MAP1LC3B2: variants seen among roughly 807,000 people sequenced by gnomAD.
The protein encoded by MAP1LC3B2 is microtubule associated protein 1 light chain 3 beta 2.
For missense variants in MAP1LC3B2, 155 were observed against 154.6 expected (o/e 1.00, Z -0.01); for synonymous variants, 62 against 57.8 (o/e 1.07, Z -0.33).
chr12:116,572,525 C>T (rs1229801002), intron 1 of MAP1LC3B2, among the ~76,000 whole-genome samples: 1 of 152,068 alleles, frequency 6.6e-6, no homozygotes, highest in Non-Finnish European at 1.5e-5. Flanking sequence ...CCACTACACC[C>T]GGCTAATTTT....
chr12:116,559,980 C>T (rs1869208770), intron 1 of MAP1LC3B2: 2 of 151,504 alleles, frequency 1.3e-5, no homozygotes, highest in African/African-American at 4.9e-5. Flanking sequence ...AAAATAACCA[C>T]AGAGCTGAGC....
chr12:116,575,425 T>C (rs910943719), intron 1 of MAP1LC3B2, among the ~76,000 whole-genome samples: 2 of 152,308 alleles, frequency 1.3e-5, no homozygotes, highest in Non-Finnish European at 2.9e-5. Context: ...AAGATATACA[T>C]GACTTTCATA....
At chr12:116,567,672 C>T (rs1254983863) in intron 1 of MAP1LC3B2, among the ~76,000 whole-genome samples, 1 of 151,768 alleles carries the variant, frequency 6.6e-6, no homozygotes, top group Non-Finnish European at 1.5e-5. Context: ...TGCTTGAACC[C>T]CAGAGGTGGA....
intron 1 of MAP1LC3B2, among the ~76,000 whole-genome samples, chr12:116,571,784 G>A (rs1455988921): frequency 6.6e-6 from 1 of 151,874 alleles, no homozygotes; most frequent in Non-Finnish European, 1.5e-5. Context: ...CCCGGCCACG[G>A]ACTGCTATTC....
intron 1 of MAP1LC3B2, among the ~76,000 whole-genome samples, chr12:116,573,666 G>A (rs933400272): frequency 1.3e-5 from 2 of 151,970 alleles, no homozygotes; most frequent in African/African-American, 2.4e-5. Context: ...ACAGGTGTGC[G>A]CCACCACACC....
chr12:116,570,617 T>C (rs1278124647), intron 1 of MAP1LC3B2, among the ~76,000 whole-genome samples: 2 of 152,216 alleles, frequency 1.3e-5, no homozygotes, highest in Non-Finnish European at 2.9e-5. Context: ...GGGTTCCCCC[T>C]TTCACTTGGC....
chr12:116,560,772 G>A (rs1869250554), intron 1 of MAP1LC3B2, among the ~76,000 whole-genome samples: 1 of 151,602 alleles, frequency 6.6e-6, no homozygotes, highest in Non-Finnish European at 1.5e-5. Context: ...TAAAAGGAAG[G>A]CAGATCCAGC....
At chr12:116,563,042 A>G (rs963265965) in intron 1 of MAP1LC3B2, among the ~76,000 whole-genome samples, 2 of 151,848 alleles carry the variant, frequency 1.3e-5, no homozygotes, top group Non-Finnish European at 2.9e-5. Flanking sequence ...GCTTACCACA[A>G]CCCCTGCCTC....
chr12:116,560,236 A>ATATATGTATG lies in MAP1LC3B2; in HGVS notation c.-102+813_-102+822dup, dbSNP rs1566022611. Among the ~76,000 whole-genome samples the ATATATGTATG allele has an allele frequency of 4.7e-4, 47 of 99,012 alleles. 1 individual carries two copies. The highest frequency in any genetic ancestry group is 1.7e-3 in the African/African-American group (42 of 24,770). 65.0% of individuals were successfully genotyped at this position (99,012 alleles called of 152,430 possible). A position where few individuals can be genotyped will look rare whatever the true frequency, so the allele number is the denominator to read the frequency against. ...TATATATATATATATATATATATATATATATGTATGTATATGTATATATAT... is the reference window on the plus strand; with the variant it reads ...TATATATATATATATATATATATATATATATGTATGTATATGTATGTATATGTATATATAT... On this transcript the variant is annotated intron_variant, in intron 1 of 1. Transcript: ENST00000556529.
intron 1 of MAP1LC3B2, among the ~76,000 whole-genome samples, chr12:116,562,374 A>G (rs1016045076): frequency 3.3e-5 from 5 of 152,246 alleles, no homozygotes; most frequent in African/African-American, 9.6e-5. Context: ...AAACAAAGGC[A>G]TCCTGACTCA....
chr12:116,559,559 A>G (rs1041900185), intron 1 of MAP1LC3B2, 126 bp downstream of exon 1: 1 of 152,246 alleles, frequency 6.6e-6, no homozygotes, highest in Non-Finnish European at 1.5e-5. Flanking sequence ...TAGAAAAACC[A>G]CAAAAGTCCC....
At chr12:116,566,729 C>T (rs764866298) in intron 1 of MAP1LC3B2, among the ~76,000 whole-genome samples, 10 of 149,236 alleles carry the variant, frequency 6.7e-5, no homozygotes, top group East Asian at 3.9e-4. Flanking sequence ...GTCAGGAGTT[C>T]GAGACCAGCC....
intron 1 of MAP1LC3B2, among the ~76,000 whole-genome samples, chr12:116,564,423 T>C (rs1869340744): frequency 6.6e-6 from 1 of 152,126 alleles, no homozygotes; most frequent in African/African-American, 2.4e-5. Context: ...TTTTTTAAGC[T>C]TTATTGCAGT....
In MAP1LC3B2 at chr12:116,574,747, G is replaced by T. The variant is rs187969151; in HGVS notation, c.-101-1095G>T. ...ATTTTTGTGTTTTTAGTAGAGACAG[G>T]GTTTTGCTATGTTGGCCAGGCTGGT... On this transcript the variant is annotated intron_variant, in intron 1 of 1. Coordinates refer to ENST00000556529, the MANE Select transcript of MAP1LC3B2 (RefSeq NM_001085481.3). Among the ~76,000 whole-genome samples the T allele has an allele frequency of 3.2e-3, 482 of 151,730 alleles. 1 individual carries two copies. The highest frequency in any genetic ancestry group is 0.011 in the African/African-American group (461 of 41,362).
intron 1 of MAP1LC3B2, among the ~76,000 whole-genome samples, chr12:116,567,664 C>T (rs1006921211): frequency 3.9e-5 from 6 of 151,960 alleles, no homozygotes; most frequent in Non-Finnish European, 7.4e-5. Flanking sequence ...AGGAGAATTG[C>T]TTGAACCCCA....
At chr12:116,571,616 G>C (rs982258699) in intron 1 of MAP1LC3B2, among the ~76,000 whole-genome samples, 1 of 151,536 alleles carries the variant, frequency 6.6e-6, no homozygotes, top group Non-Finnish European at 1.5e-5. Flanking sequence ...GAGTAGCTGG[G>C]ACTACAGGTG....
intron 1 of MAP1LC3B2, among the ~76,000 whole-genome samples, chr12:116,569,384 T>C (rs1869471487): frequency 6.6e-6 from 1 of 152,186 alleles, no homozygotes; most frequent in Non-Finnish European, 1.5e-5. Flanking sequence ...TCTCTCTGGC[T>C]TATCCAGAGC....
intron 1 of MAP1LC3B2, chr12:116,560,187 GCTATATATAT>G (rs1433572343): frequency 1.1e-4 from 9 of 81,502 alleles, no homozygotes; most frequent in South Asian, 7.7e-4. Context: ...GCTAAGTTTG[GCTATATATAT>G]ATATATATAT....
In MAP1LC3B2 at chr12:116,576,436, T is replaced by C; in HGVS notation, c.*116T>C. On this transcript the variant is annotated 3_prime_UTR_variant, in exon 2 of 2. Transcript: ENST00000556529. ...CTAATCACAGATCATCAAACAGTAG[T>C]GTTCCCACCTAGGAGTGTTAGGAAG... The C allele has an allele frequency of 6.9e-7, 1 of 1,450,430 alleles. No homozygotes were observed. Among genetic ancestry groups the C allele is most frequent in the Non-Finnish European group, 9.3e-7 (1 of 1,074,226 alleles). The allele number at this position is 1,450,430 out of a possible 1,614,324, so 89.8% of individuals were successfully genotyped here.
Sources: gnomAD v4.1 joint callset for allele counts (sites outside exome capture counted in the v4.1 genomes callset) on GRCh38, gnomAD v4.1.1 for gene constraint, MANE v1.5 for transcripts, NCBI Gene and HGNC (gene_info 2026-07-23, HGNC 2026-07-21) for gene names.